Variants in MGST1 observed in about 807,000 individuals in gnomAD.
MGST1 encodes microsomal glutathione S-transferase 1.
In MGST1, 5 loss-of-function variants were observed where a neutral mutation model predicts 8.9. The observed-to-expected ratio is 0.56, with a 90% CI of 0.29 to 1.19. The LOEUF (loss-of-function observed/expected upper bound fraction) is 1.19. Among genes scored for constraint, MGST1 ranks in the 50% most tolerant of loss-of-function variants. The pLI is 0.08. For missense variants in MGST1, 182 were observed against 187.4 expected (o/e 0.97, Z 0.17); for synonymous variants, 54 against 67.8 (o/e 0.80, Z 1.00).
chr12:16,449,839 C>T (rs1212959896), intron 4 of MGST1, among the ~76,000 whole-genome samples: 6 of 151,942 alleles, frequency 3.9e-5, no homozygotes, highest in Admixed American at 3.9e-4. Flanking sequence ...CATTAGTTAA[C>T]AGTGAGAATA....
chr12:16,521,258 G>A (rs1941647131), intron 4 of MGST1, among the ~76,000 whole-genome samples: 1 of 152,164 alleles, frequency 6.6e-6, no homozygotes, highest in East Asian at 1.9e-4. Context: ...AGAATAGCCA[G>A]ACCACAAATA....
intron 1 of MGST1, among the ~76,000 whole-genome samples, chr12:16,432,294 A>G (rs1295535684): frequency 6.6e-6 from 1 of 152,146 alleles, no homozygotes; most frequent in Non-Finnish European, 1.5e-5. Flanking sequence ...CTGCCAGACA[A>G]CTTATCACGT....
intron 1 of MGST1, among the ~76,000 whole-genome samples, chr12:16,405,298 C>T (rs1940690191): frequency 6.6e-6 from 1 of 152,014 alleles, no homozygotes; most frequent in South Asian, 2.1e-4. Context: ...CCCCTACACA[C>T]ACAAACTAGA....
intron 1 of MGST1, among the ~76,000 whole-genome samples, chr12:16,432,320 A>G (rs1482102409): frequency 6.6e-6 from 1 of 152,126 alleles, no homozygotes; most frequent in South Asian, 2.1e-4. Flanking sequence ...ATTCCACCAC[A>G]ATCTCTTTGA....
At chr12:16,588,837 T>C (rs1943403518) in intron 4 of MGST1, among the ~76,000 whole-genome samples, 1 of 152,082 alleles carries the variant, frequency 6.6e-6, no homozygotes, top group African/African-American at 2.4e-5. Flanking sequence ...TCTCCTCATG[T>C]TTAATTTCTC....
At chr12:16,532,738 C>T (rs1403906381) in intron 4 of MGST1, among the ~76,000 whole-genome samples, 1 of 152,112 alleles carries the variant, frequency 6.6e-6, no homozygotes, top group East Asian at 1.9e-4. Flanking sequence ...TTTTCCTTCT[C>T]TCCATTGCAT....
chr12:16,492,928 A>C (rs1352555848), intron 4 of MGST1, among the ~76,000 whole-genome samples: 1 of 152,072 alleles, frequency 6.6e-6, no homozygotes, highest in Non-Finnish European at 1.5e-5. Context: ...TTGAAGGAAC[A>C]CCTTCTGGGC....
At chr12:16,350,039 C>T (rs998822838) in intron 1 of MGST1, among the ~76,000 whole-genome samples, 5 of 152,186 alleles carry the variant, frequency 3.3e-5, no homozygotes, top group Non-Finnish European at 2.9e-5. Context: ...CCACCGCGCT[C>T]GGCCCCCGCT....
chr12:16,535,857 T>TG (rs772789877), intron 4 of MGST1, among the ~76,000 whole-genome samples: 1 of 152,330 alleles, frequency 6.6e-6, no homozygotes, highest in Non-Finnish European at 1.5e-5. Flanking sequence ...GGGATTATTC[T>TG]GGATGAGAAA....
rs1205098933 is a variant in MGST1 at position 16,394,216 on chromosome 12, T to C, written n.778+10612T>C. 2.0e-5 allele frequency among the ~76,000 whole-genome samples: 3 copies of C among 152,222 alleles called. No individual in the cohort carries two copies. The South Asian group carries it at 6.2e-4, about 32-fold the overall frequency. On this transcript the variant is annotated intron_variant and non_coding_transcript_variant, in intron 1 of 1. Transcript: ENST00000359720. ...TCATATTTCTCAAATTAGTGAATGA[T>C]TAATAGTATCCCATTGTAGTTTTAA...
chr12:16,475,816 A>G (rs1199976956), intron 4 of MGST1, among the ~76,000 whole-genome samples: 2 of 152,154 alleles, frequency 1.3e-5, no homozygotes. Context: ...ATGATTATTT[A>G]CTGAGCATCT....
chr12:16,401,628 T>G lies in MGST1; in HGVS notation n.778+18024T>G, dbSNP rs575701461. ...ACAAGTGATAGCCCCAAAATACATG[T>G]GATTCTTGTCACTCACCACACTGAA... is the stretch of plus-strand genomic sequence containing the variant. On this transcript the variant is annotated intron_variant and non_coding_transcript_variant, in intron 1 of 1. Transcript: ENST00000359720. This position sits in a 1 kb window ranked among gnomAD's most constrained non-coding sequence, Gnocchi z 4.3. 6.3e-7 allele frequency: 1 copy of G among 1,580,596 alleles called. No individual in the cohort carries two copies. The highest frequency in any genetic ancestry group is 8.7e-7 in the Non-Finnish European group (1 of 1,149,528).
chr12:16,570,763 G>T (rs1942787579), intron 4 of MGST1, among the ~76,000 whole-genome samples: 2 of 152,154 alleles, frequency 1.3e-5, no homozygotes, highest in Admixed American at 6.6e-5. Context: ...TTGTGATTTA[G>T]TGACAACAGT....
intron 1 of MGST1, among the ~76,000 whole-genome samples, chr12:16,402,627 A>G (rs1250003940): frequency 5.9e-5 from 9 of 152,034 alleles, no homozygotes; most frequent in African/African-American, 2.2e-4. Flanking sequence ...GTTGAGTTTT[A>G]TGTATCACTT....
chr12:16,487,603 A>G (rs1317115863), intron 4 of MGST1, among the ~76,000 whole-genome samples: 1 of 152,220 alleles, frequency 6.6e-6, no homozygotes, highest in Non-Finnish European at 1.5e-5. Flanking sequence ...TGTTAATACT[A>G]GGAACACTAC....
At chr12:16,429,064 A>G (rs1382319081) in intron 1 of MGST1, among the ~76,000 whole-genome samples, 1 of 152,010 alleles carries the variant, frequency 6.6e-6, no homozygotes, top group Non-Finnish European at 1.5e-5. Flanking sequence ...GCTTTTTAAG[A>G]TAACAATAAA....
intron 1 of MGST1, chr12:16,400,568 C>G (rs1353912317): frequency 1.1e-6 from 1 of 918,368 alleles, no homozygotes; most frequent in African/African-American, 1.6e-5. Context: ...ATTCGGAAAG[C>G]ATTCTGAAGG....
At chr12:16,423,554 C>CA (rs5796670) in intron 1 of MGST1, among the ~76,000 whole-genome samples, 149,202 of 150,318 alleles carry the variant, frequency 0.99, 74,046 homozygotes, top group Middle Eastern at 1. Flanking sequence ...AACCTATGTA[C>CA]AAAAAAAATC....
chr12:16,560,310 G>C lies in MGST1; in HGVS notation n.483-29218G>C, dbSNP rs1942353665. The C allele has an allele frequency of 4.7e-6, 6 of 1,283,446 alleles. No homozygotes were observed. The highest frequency in any genetic ancestry group is 2.0e-4 in the Middle Eastern group (1 of 5,096). The allele number at this position is 1,283,446 out of a possible 1,614,324, so 79.5% of individuals were successfully genotyped here. On this transcript the variant is annotated intron_variant and non_coding_transcript_variant, in intron 4 of 4. Coordinates refer to the MGST1 transcript ENST00000538857. This position sits in a 1 kb window ranked among gnomAD's most constrained non-coding sequence, Gnocchi z 5.0. ...AGTTTACAGAACAGAAAAACGCTGA[G>C]ATTGATTGCTTTAAATGTATGAATA...
Sources: allele counts gnomAD v4.1 joint callset (sites outside exome capture counted in the v4.1 genomes callset), GRCh38; gene constraint gnomAD v4.1.1; non-coding constraint Gnocchi (gnomAD v3.1); transcripts MANE v1.5; gene names NCBI Gene and HGNC (gene_info 2026-07-23, HGNC 2026-07-21).